The following MAST4 variants were observed in gnomAD, a reference collection of about 807,000 sequenced individuals.
MAST4 encodes microtubule-associated serine/threonine-protein kinase 4.
MAST4 carries 89 observed loss-of-function variants against 162.7 expected under a neutral mutation model. That is an observed-to-expected ratio of 0.55 (90% CI 0.46 to 0.65). The LOEUF (loss-of-function observed/expected upper bound fraction) is 0.65, where lower values mean the gene tolerates loss of function less well. MAST4 is among the 30% of genes least tolerant of loss of function. The pLI is 0.00. For missense variants in MAST4, 3,153 were observed against 3,374.0 expected, an observed-to-expected ratio of 0.93 and a Z score of 1.62; for synonymous variants, 1,479 against 1,361.1, an observed-to-expected ratio of 1.09 and a Z score of -1.91.
chr5:67,097,172 G>C (rs1764559252), intron 7 of MAST4, among the ~76,000 whole-genome samples: 1 of 151,998 alleles, frequency 6.6e-6, no homozygotes, highest in Admixed American at 6.6e-5. Context: ...TCTTTAGTAA[G>C]TCATTCATCA....
Position 66,596,840 on chromosome 5 carries a change from AGCC to A in MAST4, c.202_204del (p.Pro68del), listed in dbSNP as rs577558811. 1.9e-4 allele frequency: 236 copies of A among 1,240,336 alleles called. No individual in the cohort carries two copies. The highest frequency in any genetic ancestry group is 1.5e-3 in the South Asian group (54 of 36,210). 76.8% of individuals were successfully genotyped at this position (1,240,336 alleles called of 1,614,324 possible). On this transcript the variant is annotated inframe_deletion, in exon 1 of 29. Transcript: ENST00000403625. ...CCCGGCGGCTTCTCCAGAGAGCATC[AGCC>A]GCCGCCGCCGCCGCCGTTGGGAGGC... is the stretch of plus-strand genomic sequence containing the variant.
At chr5:66,834,943 A>T (rs1386795036) in intron 3 of MAST4, among the ~76,000 whole-genome samples, 1 of 152,108 alleles carries the variant, frequency 6.6e-6, no homozygotes, top group African/African-American at 2.4e-5. Context: ...CAGAGGAGTG[A>T]TGTGTGAGAG....
chr5:66,918,821 T>C (rs577179082), intron 4 of MAST4, among the ~76,000 whole-genome samples: 3 of 152,174 alleles, frequency 2.0e-5, no homozygotes, highest in Non-Finnish European at 4.4e-5. Context: ...GTATATATTA[T>C]TGAATGATAT....
At chr5:66,912,510 A>G (rs1211092631) in intron 4 of MAST4, among the ~76,000 whole-genome samples, 1 of 152,230 alleles carries the variant, frequency 6.6e-6, no homozygotes, top group Non-Finnish European at 1.5e-5. Flanking sequence ...TGCACTTGAC[A>G]TCATACACTG....
At chr5:67,069,312 A>ATATATATATATATATATATATATAT (rs1561606003) in intron 5 of MAST4, among the ~76,000 whole-genome samples, 59 of 134,010 alleles carry the variant, frequency 4.4e-4, no homozygotes, top group African/African-American at 1.4e-3. Flanking sequence ...ATATATATAT[A>ATATATATATATATATATATATATAT]AAATTTTAAA....
intron 4 of MAST4, among the ~76,000 whole-genome samples, chr5:66,935,293 T>C (rs1742615773): frequency 6.6e-6 from 1 of 152,236 alleles, no homozygotes; most frequent in African/African-American, 2.4e-5. Context: ...CGTTAGATTT[T>C]GATACTATGT....
intron 3 of MAST4, among the ~76,000 whole-genome samples, chr5:66,849,762 A>G (rs1412469881): frequency 6.6e-6 from 1 of 152,182 alleles, no homozygotes; most frequent in East Asian, 1.9e-4. Context: ...GTTATTTTCA[A>G]GGGCTGGAGT....
chr5:66,918,553 A>G (rs187960652), intron 4 of MAST4, among the ~76,000 whole-genome samples: 12 of 152,274 alleles, frequency 7.9e-5, no homozygotes, highest in Admixed American at 4.6e-4. Flanking sequence ...TTTGGAATTC[A>G]TTAGCTGGTA....
chr5:66,721,274 C>T (rs994838016), intron 1 of MAST4, among the ~76,000 whole-genome samples: 1 of 152,164 alleles, frequency 6.6e-6, no homozygotes, highest in African/African-American at 2.4e-5. Context: ...TTCACCTCCC[C>T]CTGCTCTCTC....
intron 5 of MAST4, among the ~76,000 whole-genome samples, chr5:67,086,543 C>G (rs1763258550): frequency 1.3e-5 from 2 of 152,286 alleles, no homozygotes; most frequent in South Asian, 4.2e-4. Flanking sequence ...AATGCCTGAC[C>G]ACTACTAAGG....
At chr5:66,647,941 C>T (rs1411227682) in intron 1 of MAST4, among the ~76,000 whole-genome samples, 1 of 151,768 alleles carries the variant, frequency 6.6e-6, no homozygotes, top group East Asian at 1.9e-4. Flanking sequence ...TTAATTACTT[C>T]TGATAAGTCA....
chr5:67,145,084 TTC>T, intron 22 of MAST4, 58 bp from the exon 23 acceptor site: 1 of 1,406,684 alleles, frequency 7.1e-7, no homozygotes, highest in Non-Finnish European at 9.8e-7. Flanking sequence ...TCTTCCAAAA[TTC>T]ACCTTTAACA....
chr5:66,821,691 T>A lies in MAST4; in HGVS notation c.642+32897T>A, dbSNP rs10461517. Among the ~76,000 whole-genome samples the A allele has an allele frequency of 0.012, 1,895 of 152,264 alleles. 104 individuals are homozygous for A. In the East Asian group the frequency reaches 0.18, roughly 14 times the overall value. On this transcript the variant is annotated intron_variant, in intron 3 of 28. Transcript: ENST00000403625. ...GAGTGAACATTAATGCTGTAGTGTG[T>A]GTTTTAGGCATGTGAGGCTCAGCTC... is the stretch of plus-strand genomic sequence containing the variant.
chr5:67,138,186 C>G (rs1029588860), intron 19 of MAST4, among the ~76,000 whole-genome samples: 2 of 152,120 alleles, frequency 1.3e-5, no homozygotes, highest in African/African-American at 4.8e-5. Flanking sequence ...GAAGTGCTAC[C>G]TCATAGGATT....
At chr5:66,791,048 A>G (rs188588979) in intron 3 of MAST4, among the ~76,000 whole-genome samples, 110 of 152,170 alleles carry the variant, frequency 7.2e-4, no homozygotes, top group Non-Finnish European at 1.3e-3. Context: ...TTTGAGATGG[A>G]GTTTCGCTCC....
chr5:66,749,486 C>T (rs1313306239), intron 1 of MAST4, among the ~76,000 whole-genome samples: 4 of 152,186 alleles, frequency 2.6e-5, no homozygotes, highest in Admixed American at 1.3e-4. Context: ...GCCATAAAAA[C>T]AAAACACAAA....
At chr5:66,802,086 C>T (rs42428) in intron 3 of MAST4, among the ~76,000 whole-genome samples, 125,887 of 152,186 alleles carry the variant, frequency 0.83, 52,145 homozygotes, top group Non-Finnish European at 0.85. Context: ...GCCCTCTTAT[C>T]GCAATTAATA....
At chr5:66,941,854 G>A (rs942105621) in intron 4 of MAST4, among the ~76,000 whole-genome samples, 3 of 152,064 alleles carry the variant, frequency 2.0e-5, no homozygotes, top group Admixed American at 2.0e-4. Flanking sequence ...ATTTAATGTT[G>A]TTGTGTCTCA....
chr5:67,088,197 T>C (rs1006744620), intron 5 of MAST4, among the ~76,000 whole-genome samples: 4 of 152,174 alleles, frequency 2.6e-5, no homozygotes, highest in Non-Finnish European at 5.9e-5. Context: ...GCTCTCTGTA[T>C]TGTTCTAGTT....
Sources: gnomAD v4.1 joint callset for allele counts (sites outside exome capture counted in the v4.1 genomes callset) on GRCh38, gnomAD v4.1.1 for gene constraint, MANE v1.5 for transcripts, NCBI Gene and HGNC (gene_info 2026-07-23, HGNC 2026-07-21) for gene names.